HECTD2: variants seen among roughly 807,000 people sequenced by gnomAD.
HECTD2 encodes the protein probable E3 ubiquitin-protein ligase HECTD2.
HECTD2 carries 35 observed loss-of-function variants against 103.2 expected under a neutral mutation model. The ratio of observed to expected loss-of-function variants is 0.34; its 90% CI spans 0.26 to 0.45. The LOEUF (loss-of-function observed/expected upper bound fraction) is 0.45, where lower values mean the gene tolerates loss of function less well. Among genes scored for constraint, HECTD2 ranks in the 20% least tolerant of loss-of-function variants. The pLI is 1.00. For missense variants in HECTD2, 596 were observed against 937.4 expected (o/e 0.64, Z 4.76); for synonymous variants, 281 against 329.9 (o/e 0.85, Z 1.61).
At chr10:91,410,603 C>A (rs748108634) in intron 1 of HECTD2, 27 bp downstream of exon 1, 2 of 1,183,094 alleles carry the variant, frequency 1.7e-6, no homozygotes, top group Non-Finnish European at 2.0e-6. Context: ...GGCCGTCTGG[C>A]GCCCCGGACG....
chr10:91,469,433 G>T (rs1845648533), intron 5 of HECTD2, among the ~76,000 whole-genome samples: 1 of 152,348 alleles, frequency 6.6e-6, no homozygotes, highest in East Asian at 1.9e-4. Flanking sequence ...AGACAGAAGA[G>T]ATTGGGAGCC....
intron 2 of HECTD2, among the ~76,000 whole-genome samples, chr10:91,458,626 A>G (rs973295799): frequency 6.6e-6 from 1 of 152,024 alleles, no homozygotes; most frequent in Non-Finnish European, 1.5e-5. Context: ...TCCAAAAGCA[A>G]TTCAATGAAG....
At chr10:91,469,395 CA>C (rs1845646911) in intron 5 of HECTD2, among the ~76,000 whole-genome samples, 1 of 152,236 alleles carries the variant, frequency 6.6e-6, no homozygotes, top group African/African-American at 2.4e-5. Context: ...ATCAGGCTAA[CA>C]GCAGACCTTT....
At chr10:91,471,161 G>C (rs371422869) in intron 5 of HECTD2, among the ~76,000 whole-genome samples, 1 of 152,090 alleles carries the variant, frequency 6.6e-6, no homozygotes, top group Non-Finnish European at 1.5e-5. Flanking sequence ...TGCAAGGTTG[G>C]TTCATCCTAC....
chr10:91,505,511 C>G (rs953088973), intron 20 of HECTD2, among the ~76,000 whole-genome samples: 6 of 151,456 alleles, frequency 4.0e-5, no homozygotes, highest in African/African-American at 9.7e-5. Context: ...CAACAAAGAT[C>G]AAAAGAGACA....
Position 91,461,231 on chromosome 10 carries a change from C to T in HECTD2, c.408-23C>T, listed in dbSNP as rs111886488. On this transcript the variant is annotated intron_variant, in intron 3 of 20. Coordinates refer to ENST00000298068, the MANE Select transcript of HECTD2 (RefSeq NM_182765.6). The stretch of plus-strand genomic sequence containing the variant: ...TGAATAATATTTCTATATGTATATA[C>T]GGTTAATGTGTTTTCATTTTAGGGA... 7.1e-5 allele frequency: 74 copies of T among 1,041,280 alleles called. No individual in the cohort carries two copies. In the Middle Eastern group the frequency reaches 1.0e-3, roughly 14 times the overall value. 64.5% of individuals were successfully genotyped at this position (1,041,280 alleles called of 1,614,324 possible).
At chr10:91,445,919 G>A (rs1048135254) in intron 2 of HECTD2, among the ~76,000 whole-genome samples, 2 of 152,102 alleles carry the variant, frequency 1.3e-5, no homozygotes, top group Admixed American at 6.5e-5. Context: ...GGGTGCCTAT[G>A]CCACCAGGGC....
Position 91,487,214 on chromosome 10 carries a change from C to T in HECTD2, c.1095-468C>T, listed in dbSNP as rs1846297600. 5.9e-6 allele frequency: 1 copy of T among 169,416 alleles called. No individual in the cohort carries two copies. Among genetic ancestry groups the T allele is most frequent in the African/African-American group, 2.4e-5 (1 of 41,822 alleles). 10.5% of individuals were successfully genotyped at this position (169,416 alleles called of 1,614,324 possible). ...ATTTTTATTGGTCTTAAATATATTA[C>T]TTTACTTTTTACATACTGTAGTTAT... is the stretch of plus-strand genomic sequence containing the variant. On this transcript the variant is annotated intron_variant, in intron 10 of 20. Transcript: ENST00000298068. The surrounding 1 kb of genome is among the most constrained non-coding windows in gnomAD (Gnocchi z 4.1).
intron 20 of HECTD2, among the ~76,000 whole-genome samples, chr10:91,506,261 A>C (rs1847165511): frequency 6.6e-6 from 1 of 152,062 alleles, no homozygotes; most frequent in Non-Finnish European, 1.5e-5. Flanking sequence ...GAAGGCAAGA[A>C]ATAACTAAAA....
chr10:91,444,168 C>A (rs1218006375), intron 2 of HECTD2, among the ~76,000 whole-genome samples: 1 of 152,128 alleles, frequency 6.6e-6, no homozygotes, highest in Non-Finnish European at 1.5e-5. Context: ...TTTTTCCCAA[C>A]CTGGCTATAA....
At chr10:91,452,354 A>T (rs1844870909) in intron 2 of HECTD2, among the ~76,000 whole-genome samples, 1 of 152,164 alleles carries the variant, frequency 6.6e-6, no homozygotes, top group African/African-American at 2.4e-5. Flanking sequence ...ACTTGTCAAA[A>T]CTGAAGACCA....
chr10:91,411,432 A>G (rs1180241223), intron 1 of HECTD2, among the ~76,000 whole-genome samples: 1 of 152,218 alleles, frequency 6.6e-6, no homozygotes, highest in Non-Finnish European at 1.5e-5. Flanking sequence ...GCTTTGATAT[A>G]TTTAAAGATC....
upstream of HECTD2, among the ~76,000 whole-genome samples, chr10:91,409,985 C>A (rs889603066): frequency 1.3e-5 from 2 of 152,220 alleles, no homozygotes; most frequent in African/African-American, 4.8e-5. Flanking sequence ...CTTTGCAGGG[C>A]TCGACTTGTC....
intron 5 of HECTD2, among the ~76,000 whole-genome samples, chr10:91,465,869 C>G (rs1256135703): frequency 6.6e-6 from 1 of 152,086 alleles, no homozygotes; most frequent in Non-Finnish European, 1.5e-5. Context: ...CATCTATGTT[C>G]ATGAGAGGTA....
intron 2 of HECTD2, among the ~76,000 whole-genome samples, chr10:91,432,232 T>TA (rs1340588301): frequency 6.6e-6 from 1 of 151,980 alleles, no homozygotes; most frequent in Non-Finnish European, 1.5e-5. Flanking sequence ...TCTTGGCAGT[T>TA]ATTATAATTT....
At chr10:91,489,994 T>A (rs1200204252) in intron 11 of HECTD2, 1 of 152,242 alleles carries the variant, frequency 6.6e-6, no homozygotes. Context: ...CTGTGGATTT[T>A]ATATGACAAA....
intron 4 of HECTD2, 32 bp downstream of exon 4, chr10:91,461,388 A>T: frequency 9.3e-7 from 1 of 1,079,354 alleles, no homozygotes; most frequent in South Asian, 1.5e-5. Context: ...TTTTCATTTC[A>T]CTTTTAGTTT....
intron 20 of HECTD2, among the ~76,000 whole-genome samples, chr10:91,503,915 C>T (rs191620090): frequency 5.9e-5 from 9 of 152,308 alleles, no homozygotes; most frequent in Non-Finnish European, 7.4e-5. Flanking sequence ...TCTCCTAGTA[C>T]GCAGCTGGAG....
intron 2 of HECTD2, among the ~76,000 whole-genome samples, chr10:91,458,854 T>A (rs7071064): frequency 0.066 from 10,048 of 151,920 alleles, 884 homozygotes; most frequent in African/African-American, 0.2. Flanking sequence ...AAAAGTACAA[T>A]CCATAAGAGA....
Sources: gnomAD v4.1 joint callset for allele counts (sites outside exome capture counted in the v4.1 genomes callset) on GRCh38, gnomAD v4.1.1 for gene constraint, Gnocchi (gnomAD v3.1) non-coding constraint, MANE v1.5 for transcripts, NCBI Gene and HGNC (gene_info 2026-07-23, HGNC 2026-07-21) for gene names.